EPHA6: variants seen among roughly 807,000 people sequenced by gnomAD.
EPHA6 encodes the protein ephrin type-A receptor 6.
A neutral mutation model predicts 112.0 loss-of-function variants in EPHA6; 50 were observed. The observed-to-expected ratio is 0.45, with a 90% CI of 0.36 to 0.56. The LOEUF (loss-of-function observed/expected upper bound fraction) is 0.56, where lower values mean the gene tolerates loss of function less well. EPHA6 is among the 20% of genes least tolerant of loss of function. The probability of loss-of-function intolerance (pLI) is 0.00; values close to 1 mark genes in which losing one functional copy is unlikely to be tolerated. For synonymous variants in EPHA6, 529 were observed against 490.7 expected, an observed-to-expected ratio of 1.08 and a Z score of -1.03; for missense variants, 1,280 against 1,417.4, an observed-to-expected ratio of 0.90 and a Z score of 1.56.
chr3:97,107,031 G>A (rs772640656), intron 3 of EPHA6, among the ~76,000 whole-genome samples: 16 of 151,988 alleles, frequency 1.1e-4, no homozygotes, highest in Admixed American at 2.0e-4. Flanking sequence ...TCTTCCAATC[G>A]GCCAGGATCC....
At chr3:97,208,777 T>C (rs2077784801) in intron 3 of EPHA6, among the ~76,000 whole-genome samples, 1 of 151,862 alleles carries the variant, frequency 6.6e-6, no homozygotes, top group Non-Finnish European at 1.5e-5. Context: ...AGGCTACATA[T>C]GGTGGAAATA....
At chr3:97,464,850 C>G (rs920700474) in intron 7 of EPHA6, among the ~76,000 whole-genome samples, 4 of 152,124 alleles carry the variant, frequency 2.6e-5, no homozygotes, top group African/African-American at 9.7e-5. Flanking sequence ...AAGTTTTGAT[C>G]AATTGCCTTT....
intron 2 of EPHA6, among the ~76,000 whole-genome samples, chr3:96,949,604 A>T (rs2041440446): frequency 1.3e-5 from 2 of 152,172 alleles, no homozygotes; most frequent in Admixed American, 1.3e-4. Context: ...GTGATGTAGG[A>T]TTACAATGGG....
intron 14 of EPHA6, among the ~76,000 whole-genome samples, chr3:97,650,628 T>A (rs1330603514): frequency 1.3e-5 from 2 of 151,992 alleles, no homozygotes; most frequent in Non-Finnish European, 2.9e-5. Flanking sequence ...CTCTATATTT[T>A]ATTTGTACAA....
chr3:97,445,287 G>A (rs1348964857), intron 6 of EPHA6, among the ~76,000 whole-genome samples: 1 of 152,080 alleles, frequency 6.6e-6, no homozygotes, highest in Non-Finnish European at 1.5e-5. Flanking sequence ...GATGGCCAGT[G>A]CTCTCAGCCA....
At chr3:97,077,964 G>A (rs1012379926) in intron 3 of EPHA6, among the ~76,000 whole-genome samples, 6 of 152,244 alleles carry the variant, frequency 3.9e-5, no homozygotes, top group South Asian at 4.1e-4. Flanking sequence ...TTGAGGAATC[G>A]CCACACTGTC....
intron 2 of EPHA6, among the ~76,000 whole-genome samples, chr3:96,891,900 A>G (rs1174123234): frequency 1.3e-5 from 2 of 152,054 alleles, no homozygotes; most frequent in South Asian, 4.2e-4. Flanking sequence ...TTGAGAAAAT[A>G]TTTTTCTCAT....
chr3:96,954,682 A>G (rs912547971), intron 2 of EPHA6, among the ~76,000 whole-genome samples: 3 of 151,412 alleles, frequency 2.0e-5, no homozygotes, highest in Non-Finnish European at 4.4e-5. Context: ...ATAGTTTTAT[A>G]AGTTTTAAAA....
intron 3 of EPHA6, among the ~76,000 whole-genome samples, chr3:97,184,937 C>A (rs1230500164): frequency 6.6e-6 from 1 of 152,120 alleles, no homozygotes; most frequent in Non-Finnish European, 1.5e-5. Context: ...TGATCTTTGA[C>A]AAACCTGACA....
chr3:97,617,719 C>T (rs1264838792), intron 13 of EPHA6, among the ~76,000 whole-genome samples: 5 of 152,138 alleles, frequency 3.3e-5, no homozygotes, highest in East Asian at 3.8e-4. Flanking sequence ...TTCAATTCAA[C>T]AAGATGAGCT....
intron 3 of EPHA6, among the ~76,000 whole-genome samples, chr3:97,130,828 C>T (rs1305087299): frequency 5.9e-5 from 9 of 152,152 alleles, no homozygotes; most frequent in Non-Finnish European, 1.5e-5. Context: ...AAGTATTTCA[C>T]TTATTCTACC....
intron 5 of EPHA6, among the ~76,000 whole-genome samples, chr3:97,251,214 T>C (rs1021926528): frequency 6.6e-6 from 1 of 151,992 alleles, no homozygotes; most frequent in Non-Finnish European, 1.5e-5. Flanking sequence ...TCCATAAGGA[T>C]TAAAATAGCA....
intron 11 of EPHA6, among the ~76,000 whole-genome samples, chr3:97,565,598 C>G (rs1261162709): frequency 6.6e-6 from 1 of 152,072 alleles, no homozygotes; most frequent in African/African-American, 2.4e-5. Context: ...CACTGAAAGA[C>G]CTCACAAAGA....
At chr3:97,557,121 A>G (rs1208939760) in intron 11 of EPHA6, among the ~76,000 whole-genome samples, 1 of 152,038 alleles carries the variant, frequency 6.6e-6, no homozygotes, top group African/African-American at 2.4e-5. Flanking sequence ...CATGAGTCAA[A>G]GAATTTGACA....
At chr3:97,648,388 G>T (rs368068247) in intron 14 of EPHA6, 1 of 1,486,986 alleles carries the variant, frequency 6.7e-7, no homozygotes, top group South Asian at 1.4e-5. Context: ...ACACCCAACT[G>T]GAGATAATTA....
At chr3:97,589,041 T>G (rs968902646) in intron 11 of EPHA6, among the ~76,000 whole-genome samples, 2 of 152,208 alleles carry the variant, frequency 1.3e-5, no homozygotes, top group Admixed American at 6.5e-5. Context: ...TAAGTCAAGC[T>G]TGTCCAACCT....
intron 12 of EPHA6, among the ~76,000 whole-genome samples, chr3:97,605,765 T>C (rs1458194209): frequency 6.6e-6 from 1 of 151,580 alleles, no homozygotes; most frequent in African/African-American, 2.4e-5. Context: ...TTAGAATAGT[T>C]TAATTCTGTG....
chr3:96,938,828 A>T (rs1477754393), intron 2 of EPHA6, among the ~76,000 whole-genome samples: 9 of 152,064 alleles, frequency 5.9e-5, no homozygotes, highest in Non-Finnish European at 1.3e-4. Flanking sequence ...AGGGCTGTTG[A>T]ATTTTGTCAA....
At chr3:97,367,679 T>G (rs376063497) in intron 5 of EPHA6, among the ~76,000 whole-genome samples, 26 of 152,056 alleles carry the variant, frequency 1.7e-4, no homozygotes, top group African/African-American at 6.0e-4. Context: ...CTTCCTAAAT[T>G]ATCCCAATTT....
Sources: allele counts gnomAD v4.1 joint callset (sites outside exome capture counted in the v4.1 genomes callset), GRCh38; gene constraint gnomAD v4.1.1; transcripts MANE v1.5; gene names NCBI Gene and HGNC (gene_info 2026-07-23, HGNC 2026-07-21).